PDE12: variants seen among roughly 807,000 people sequenced by gnomAD.
PDE12 encodes phosphodiesterase 12, also known as 2',5'-phosphodiesterase 12.
Under a neutral mutation model 45.4 loss-of-function variants are expected in PDE12, and 26 were observed. The ratio of observed to expected loss-of-function variants is 0.57; its 90% CI spans 0.42 to 0.79. PDE12 has a LOEUF of 0.79. PDE12 is among the 30% of genes least tolerant of loss of function. The pLI is 0.00. For missense variants in PDE12, 668 were observed against 790.0 expected, an observed-to-expected ratio of 0.85 and a Z score of 1.85; for synonymous variants, 283 against 323.9, an observed-to-expected ratio of 0.87 and a Z score of 1.36.
the PDE12 span, among the ~76,000 whole-genome samples, chr3:57,641,969 T>C: frequency 6.6e-6 from 1 of 152,052 alleles, no homozygotes; most frequent in Non-Finnish European, 1.5e-5. Flanking sequence ...AAGAAAGATA[T>C]ACACACCCAG....
Position 57,556,784 on chromosome 3 carries a change from C to T in PDE12, c.405C>T (p.Asp135=). 1 of 1,611,242 alleles carries T rather than the reference C, an allele frequency of 6.2e-7. No homozygotes were observed. Among genetic ancestry groups the T allele is most frequent in the Non-Finnish European group, 8.5e-7 (1 of 1,178,044 alleles). Reference sequence around the variant, plus strand: ...ACCGGGAAGAGGCAGTGGCTGAGGACGTGCTCAACGTGGATGCCTGGCAAG... The same window carrying T: ...ACCGGGAAGAGGCAGTGGCTGAGGATGTGCTCAACGTGGATGCCTGGCAAG... The part of the protein sequence containing the change: ...LYYREEAVAE[D]VLNVDAWQDG... The change falls in exon 1 of 3, where the codon GAC becomes GAT. Residue 135 remains aspartate (D), a synonymous_variant. Transcript: ENST00000311180. The surrounding 1 kb of genome is among the most constrained non-coding windows in gnomAD (Gnocchi z 5.0).
At chr3:57,575,741 A>G in the PDE12 span, 2 of 1,490,058 alleles carry the variant, frequency 1.3e-6, no homozygotes, top group African/African-American at 2.8e-5. Flanking sequence ...GTCTTCCTAT[A>G]TATACTTTAC....
the PDE12 span, among the ~76,000 whole-genome samples, chr3:57,656,211 C>T: frequency 6.6e-6 from 1 of 152,324 alleles, no homozygotes; most frequent in South Asian, 2.1e-4. Context: ...CAGGTAACCA[C>T]TGATCTGATT....
the PDE12 span, chr3:57,597,394 C>CGCGGCGGCCGCGGCGACTCCAGCA: frequency 6.1e-6 from 2 of 329,548 alleles, no homozygotes; most frequent in African/African-American, 4.4e-5. Flanking sequence ...TGCCACGTCA[C>CGCGGCGGCCGCGGCGACTCCAGCA]GCGGCGGCCG....
the PDE12 span, among the ~76,000 whole-genome samples, chr3:57,652,535 A>T: frequency 6.6e-6 from 1 of 152,250 alleles, no homozygotes; most frequent in Admixed American, 6.5e-5. Context: ...AACTGTGTGA[A>T]ATAATGTTTG....
chr3:57,597,323 G>C, the PDE12 span: 1 of 559,802 alleles, frequency 1.8e-6, no homozygotes, highest in Non-Finnish European at 3.2e-6. Context: ...GAATAAGCCG[G>C]TAGAGGACCT....
chr3:57,574,842 A>ACC, the PDE12 span, among the ~76,000 whole-genome samples: 709 of 150,298 alleles, frequency 4.7e-3, 7 homozygotes, highest in African/African-American at 0.017. Context: ...ACAAAGCGAG[A>ACC]CCCCCCATCT....
intron 2 of PDE12, 77 bp from the exon 3 acceptor site, chr3:57,559,485 T>C (rs2069703878): frequency 6.4e-7 from 1 of 1,555,010 alleles, no homozygotes; most frequent in Non-Finnish European, 8.8e-7. Flanking sequence ...CCAGAGACTG[T>C]AATTTGTGTA....
the PDE12 span, among the ~76,000 whole-genome samples, chr3:57,603,785 G>T: frequency 1.3e-4 from 20 of 152,010 alleles, no homozygotes; most frequent in African/African-American, 4.6e-4. Context: ...ACCCTACCCA[G>T]CTAATTTTGT....
chr3:57,654,589 C>G, the PDE12 span: 1 of 967,368 alleles, frequency 1.0e-6, no homozygotes, highest in South Asian at 4.8e-5. Context: ...ATGTCCCTGA[C>G]TCTAAGGCAA....
At chr3:57,629,782 A>C in the PDE12 span, among the ~76,000 whole-genome samples, 3 of 151,166 alleles carry the variant, frequency 2.0e-5, no homozygotes, top group Non-Finnish European at 4.4e-5. Flanking sequence ...TCAGCCTCCC[A>C]AAGTGCTGGG....
the PDE12 span, among the ~76,000 whole-genome samples, chr3:57,644,683 AGGGAAGGGAG>A: frequency 2.0e-5 from 2 of 100,170 alleles, no homozygotes; most frequent in Admixed American, 2.2e-4. Context: ...CCTGGGCAAC[AGGGAAGGGAG>A]GGGAGGGGAG....
At chr3:57,621,853 A>G in the PDE12 span, among the ~76,000 whole-genome samples, 2 of 151,822 alleles carry the variant, frequency 1.3e-5, no homozygotes, top group African/African-American at 2.4e-5. Context: ...CAATGCATGT[A>G]TCTGAAAAAG....
chr3:57,557,974 A>G (rs994364786), intron 1 of PDE12, among the ~76,000 whole-genome samples: 15 of 152,250 alleles, frequency 9.9e-5, no homozygotes, highest in Admixed American at 9.2e-4. Flanking sequence ...TGCAAGAACA[A>G]TAGTAGCTAA....
At chr3:57,646,336 C>G in the PDE12 span, 3 of 1,613,748 alleles carry the variant, frequency 1.9e-6, no homozygotes, top group South Asian at 2.2e-5. Flanking sequence ...CCAATACAGT[C>G]TCTGATGATT....
At chr3:57,611,770 CTT>C in the PDE12 span, among the ~76,000 whole-genome samples, 2 of 152,172 alleles carry the variant, frequency 1.3e-5, no homozygotes, top group African/African-American at 4.8e-5. Context: ...AATAGGAACA[CTT>C]TTACACTGTT....
the PDE12 span, among the ~76,000 whole-genome samples, chr3:57,609,480 T>C: frequency 1.3e-5 from 2 of 151,908 alleles, no homozygotes; most frequent in Non-Finnish European, 2.9e-5. Context: ...ACAAAATTGA[T>C]AGACTGCAAG....
At chr3:57,655,250 G>A in the PDE12 span, among the ~76,000 whole-genome samples, 1 of 152,106 alleles carries the variant, frequency 6.6e-6, no homozygotes, top group Non-Finnish European at 1.5e-5. Flanking sequence ...GGTCAGGCTG[G>A]TCTCAAAATC....
At chr3:57,620,716 A>T in the PDE12 span, among the ~76,000 whole-genome samples, 4 of 152,318 alleles carry the variant, frequency 2.6e-5, no homozygotes, top group African/African-American at 9.6e-5. Flanking sequence ...TTTAAATTTT[A>T]AAAAAATATC....
Sources: gnomAD v4.1 joint callset for allele counts (sites outside exome capture counted in the v4.1 genomes callset) on GRCh38, gnomAD v4.1.1 for gene constraint, Gnocchi (gnomAD v3.1) non-coding constraint, MANE v1.5 for transcripts, NCBI Gene and HGNC (gene_info 2026-07-23, HGNC 2026-07-21) for gene names.